Variants in MALRD1 observed in about 807,000 individuals in gnomAD.
MALRD1 encodes the protein MAM and LDL-receptor class A domain-containing protein 1.
In MALRD1, 247 loss-of-function variants were observed where a neutral mutation model predicts 242.1. The observed-to-expected ratio is 1.02, with a 90% CI of 0.92 to 1.13. The LOEUF is 1.13. MALRD1 is among the 50% of genes most tolerant of loss of function. MALRD1 has a pLI of 0.00. For missense variants in MALRD1, 2,989 were observed against 2,533.1 expected, an observed-to-expected ratio of 1.18 and a Z score of -3.86; for synonymous variants, 995 against 866.6, an observed-to-expected ratio of 1.15 and a Z score of -2.60.
chr10:19,063,472 A>G (rs1402174396), intron 1 of MALRD1, among the ~76,000 whole-genome samples: 2 of 152,094 alleles, frequency 1.3e-5, no homozygotes, highest in Admixed American at 6.6e-5. Context: ...ATGAAAACGT[A>G]TCCTACTCAT....
At chr10:19,248,494 T>G (rs948636814) in intron 18 of MALRD1, among the ~76,000 whole-genome samples, 1 of 152,000 alleles carries the variant, frequency 6.6e-6, no homozygotes, top group African/African-American at 2.4e-5. Context: ...AATTAATAGT[T>G]TTTTAAATAT....
At chr10:19,536,708 T>G (rs1465539922) in intron 32 of MALRD1, among the ~76,000 whole-genome samples, 2 of 152,106 alleles carry the variant, frequency 1.3e-5, no homozygotes, top group Admixed American at 1.3e-4. Flanking sequence ...TGAGTGACAG[T>G]CAGCTTCAAT....
intron 17 of MALRD1, among the ~76,000 whole-genome samples, chr10:19,206,661 C>T (rs2131622010): frequency 6.6e-6 from 1 of 152,258 alleles, no homozygotes. Context: ...AGGCATATTA[C>T]TTCATGACAC....
At position 19,428,098 on chromosome 10, in the gene MALRD1, A is replaced by G. The variant is rs544740951; in HGVS notation, c.4846-22209A>G. Among the ~76,000 whole-genome samples the G allele has an allele frequency of 6.6e-5, 10 of 151,932 alleles. No individual in the cohort carries two copies. The East Asian group carries it at 2.0e-3, about 30-fold the overall frequency. ...TGTGGACAGAATAAAGAACAGTTTG[A>G]CCCAGCGTCACTTTCCTCTGCTGCC... On this transcript the variant is annotated intron_variant, in intron 28 of 39. Coordinates refer to ENST00000454679, the MANE Select transcript of MALRD1 (RefSeq NM_001142308.3).
intron 29 of MALRD1, among the ~76,000 whole-genome samples, chr10:19,483,874 C>G (rs920503229): frequency 6.6e-6 from 1 of 152,118 alleles, no homozygotes; most frequent in Non-Finnish European, 1.5e-5. Context: ...TGGAATCAAC[C>G]TAGGTGCCCA....
intron 33 of MALRD1, among the ~76,000 whole-genome samples, chr10:19,571,837 A>G (rs867600730): frequency 2.0e-5 from 3 of 152,158 alleles, no homozygotes; most frequent in African/African-American, 7.2e-5. Flanking sequence ...GCCTGAATTA[A>G]CAGATAATTT....
intron 28 of MALRD1, among the ~76,000 whole-genome samples, chr10:19,424,567 C>CT (rs1273603165): frequency 6.6e-6 from 1 of 152,042 alleles, no homozygotes; most frequent in Non-Finnish European, 1.5e-5. Context: ...ATGAGATCTG[C>CT]TTTTTTGCAG....
At chr10:19,384,445 TA>T (rs1845981229) in intron 26 of MALRD1, among the ~76,000 whole-genome samples, 1 of 117,464 alleles carries the variant, frequency 8.5e-6, no homozygotes, top group Non-Finnish European at 1.6e-5. Context: ...ATATATTATA[TA>T]GTATATATAA....
rs114802235 is a variant in MALRD1, at chr10:19,265,761, A to G, written c.3079+7990A>G. On this transcript the variant is annotated intron_variant, in intron 19 of 39. Transcript: ENST00000454679. The stretch of plus-strand genomic sequence containing the variant: ...TCCTCTAAAGTTTCATTTAAGTTCA[A>G]TGTTTCTTAATTGATTTTCTGTCTA... 7.6e-3 allele frequency among the ~76,000 whole-genome samples: 1,150 copies of G among 152,134 alleles called. 19 individuals are homozygous for G. Among genetic ancestry groups the G allele is most frequent in the African/African-American group, 0.026 (1,096 of 41,542 alleles).
At chr10:19,375,742 T>C (rs1028659167) in intron 26 of MALRD1, among the ~76,000 whole-genome samples, 3 of 152,146 alleles carry the variant, frequency 2.0e-5, no homozygotes, top group African/African-American at 7.2e-5. Flanking sequence ...TCAACCACGA[T>C]GAAATTAAAA....
rs571309157 is a variant in MALRD1, at chr10:19,379,422, A to G, written c.4442-8106A>G. ...TTTTGGATCTTGTTTTGTTAAATGT[A>G]AGCACTTATAGCTGTATGTTACCTG... is the stretch of plus-strand genomic sequence containing the variant. On this transcript the variant is annotated intron_variant, in intron 26 of 39. Coordinates refer to ENST00000454679, the MANE Select transcript of MALRD1 (RefSeq NM_001142308.3). 7.2e-5 allele frequency among the ~76,000 whole-genome samples: 11 copies of G among 152,224 alleles called. No individual in the cohort carries two copies. In the Middle Eastern group the frequency reaches 0.01, roughly 141 times the overall value.
intron 36 of MALRD1, among the ~76,000 whole-genome samples, chr10:19,650,098 A>G (rs1840801813): frequency 6.6e-6 from 1 of 152,198 alleles, no homozygotes; most frequent in Non-Finnish European, 1.5e-5. Flanking sequence ...TAAAAAAAGA[A>G]CAAAATGGAA....
intron 24 of MALRD1, among the ~76,000 whole-genome samples, chr10:19,334,125 T>TG (rs1267953054): frequency 6.8e-5 from 10 of 146,724 alleles, no homozygotes; most frequent in African/African-American, 2.3e-4. Flanking sequence ...GTAGGTTTTT[T>TG]TTTTTTTTTT....
chr10:19,124,215 CTT>C (rs1478404536), intron 6 of MALRD1, among the ~76,000 whole-genome samples: 2 of 152,010 alleles, frequency 1.3e-5, no homozygotes, highest in African/African-American at 4.8e-5. Context: ...GACCCTGTCT[CTT>C]AAAAAAATTA....
chr10:19,381,810 G>A (rs1845850518), intron 26 of MALRD1, among the ~76,000 whole-genome samples: 1 of 152,008 alleles, frequency 6.6e-6, no homozygotes, highest in South Asian at 2.1e-4. Context: ...CTGCACTCCA[G>A]CCTGGGTGAC....
intron 12 of MALRD1, among the ~76,000 whole-genome samples, chr10:19,165,264 TA>T: frequency 7.4e-6 from 1 of 135,824 alleles, no homozygotes; most frequent in South Asian, 2.4e-4. Flanking sequence ...TATATATATA[TA>T]TTTTGTTTTG....
intron 38 of MALRD1, among the ~76,000 whole-genome samples, chr10:19,699,203 TATAATA>T (rs149007944): frequency 3.4e-5 from 5 of 147,284 alleles, no homozygotes; most frequent in Non-Finnish European, 6.0e-5. Context: ...GAACTTAAAG[TATAATA>T]ATAATAATAA....
intron 30 of MALRD1, among the ~76,000 whole-genome samples, chr10:19,497,083 T>C (rs1170576421): frequency 6.6e-6 from 1 of 152,020 alleles, no homozygotes; most frequent in Non-Finnish European, 1.5e-5. Context: ...TCACAGAGAA[T>C]AGAAAAGGAT....
intron 29 of MALRD1, chr10:19,491,090 A>G (rs1837473665): frequency 3.5e-6 from 1 of 286,100 alleles, no homozygotes; most frequent in Non-Finnish European, 7.3e-6. Flanking sequence ...ACATATCATT[A>G]AAATTAGTGT....
Sources: gnomAD v4.1 joint callset for allele counts (sites outside exome capture counted in the v4.1 genomes callset) on GRCh38, gnomAD v4.1.1 for gene constraint, MANE v1.5 for transcripts, NCBI Gene and HGNC (gene_info 2026-07-23, HGNC 2026-07-21) for gene names.